RBFOX1: variants seen among roughly 807,000 people sequenced by gnomAD.
RBFOX1 encodes RNA binding fox-1 homolog 1.
Under a neutral mutation model 57.7 loss-of-function variants are expected in RBFOX1, and 8 were observed. That is an observed-to-expected ratio of 0.14 (90% CI 0.08 to 0.25). RBFOX1 has a LOEUF of 0.25. Ranked by LOEUF, RBFOX1 falls within the 10% of genes least tolerant of loss-of-function variation. The pLI is 1.00. For synonymous variants in RBFOX1, 326 were observed against 222.4 expected (o/e 1.47, Z -4.15); for missense variants, 611 against 548.5 (o/e 1.11, Z -1.14).
intron 11 of RBFOX1, among the ~76,000 whole-genome samples, chr16:7,640,664 G>A (rs1271059918): frequency 6.6e-6 from 1 of 152,186 alleles, no homozygotes; most frequent in Non-Finnish European, 1.5e-5. Context: ...GAATTCCCTG[G>A]AAACCCCAAG....
At chr16:5,753,985 C>A (rs373354656) in intron 3 of RBFOX1, among the ~76,000 whole-genome samples, 1 of 152,148 alleles carries the variant, frequency 6.6e-6, no homozygotes, top group African/African-American at 2.4e-5. Flanking sequence ...CGTAGCCTTT[C>A]TTTTTATTCA....
At chr16:7,033,895 G>C (rs759949361) in intron 3 of RBFOX1, among the ~76,000 whole-genome samples, 1 of 152,186 alleles carries the variant, frequency 6.6e-6, no homozygotes, top group African/African-American at 2.4e-5. Flanking sequence ...TTTGAGCCTG[G>C]GAAGTTCAAG....
intron 2 of RBFOX1, among the ~76,000 whole-genome samples, chr16:5,523,272 C>G (rs1255435527): frequency 6.6e-6 from 1 of 151,558 alleles, no homozygotes; most frequent in Non-Finnish European, 1.5e-5. Flanking sequence ...GGTGATAGAG[C>G]AAGACTCTGT....
intron 3 of RBFOX1, among the ~76,000 whole-genome samples, chr16:6,740,894 A>T (rs573899527): frequency 6.6e-6 from 1 of 152,344 alleles, no homozygotes; most frequent in East Asian, 1.9e-4. Context: ...ATAGAAAAGC[A>T]AAGAAACTAG....
chr16:6,268,283 A>C (rs1451944823), intron 1 of RBFOX1, among the ~76,000 whole-genome samples: 1 of 152,190 alleles, frequency 6.6e-6, no homozygotes, highest in African/African-American at 2.4e-5. Context: ...CCCTGCTAGC[A>C]GGTATGGAGC....
intron 4 of RBFOX1, among the ~76,000 whole-genome samples, chr16:7,384,843 C>G (rs1173451177): frequency 6.6e-6 from 1 of 152,090 alleles, no homozygotes; most frequent in African/African-American, 2.4e-5. Context: ...AGCTTATATT[C>G]TAGTTGAAAG....
chr16:5,493,305 C>A (rs780940650), intron 2 of RBFOX1, among the ~76,000 whole-genome samples: 1 of 152,164 alleles, frequency 6.6e-6, no homozygotes, highest in Non-Finnish European at 1.5e-5. Flanking sequence ...CTCCTGGCCT[C>A]AAGCAACCCT....
At chr16:5,296,237 C>G (rs1220652835) in intron 1 of RBFOX1, among the ~76,000 whole-genome samples, 1 of 152,208 alleles carries the variant, frequency 6.6e-6, no homozygotes, top group Non-Finnish European at 1.5e-5. Context: ...TTATGAAAAG[C>G]AGCATCTGCA....
chr16:5,776,660 A>G (rs965135565), intron 3 of RBFOX1, among the ~76,000 whole-genome samples: 1 of 152,236 alleles, frequency 6.6e-6, no homozygotes, highest in Non-Finnish European at 1.5e-5. Flanking sequence ...TGTTAGTATT[A>G]TCATCCCCAG....
At chr16:7,001,344 C>G (rs1056805282) in intron 3 of RBFOX1, among the ~76,000 whole-genome samples, 8 of 149,188 alleles carry the variant, frequency 5.4e-5, no homozygotes, top group Admixed American at 4.6e-4. Context: ...GGCCCTGACT[C>G]TGTGTGTGTG....
intron 2 of RBFOX1, among the ~76,000 whole-genome samples, chr16:6,445,316 G>A (rs1336460352): frequency 2.0e-5 from 3 of 152,028 alleles, no homozygotes; most frequent in South Asian, 2.1e-4. Flanking sequence ...GTATACATGT[G>A]CCATGAAGAT....
chr16:6,822,950 G>C (rs113292222), intron 3 of RBFOX1, among the ~76,000 whole-genome samples: 9,980 of 152,260 alleles, frequency 0.066, 484 homozygotes, highest in Non-Finnish European at 0.11. Context: ...AACCATTAGA[G>C]TTCATGGACA....
intron 10 of RBFOX1, among the ~76,000 whole-genome samples, chr16:7,621,983 T>C (rs543598657): frequency 2.0e-5 from 3 of 152,354 alleles, no homozygotes; most frequent in Non-Finnish European, 2.9e-5. Context: ...AACTTGAGTT[T>C]CATGCAATTT....
chr16:6,383,515 C>G (rs1461156358), intron 2 of RBFOX1, among the ~76,000 whole-genome samples: 2 of 152,154 alleles, frequency 1.3e-5, no homozygotes, highest in Admixed American at 6.5e-5. Context: ...TGGCTCATGC[C>G]TGTAATGCCA....
At chr16:7,239,126 C>A (rs1053595389) in intron 4 of RBFOX1, among the ~76,000 whole-genome samples, 1 of 152,098 alleles carries the variant, frequency 6.6e-6, no homozygotes, top group Non-Finnish European at 1.5e-5. Context: ...TTTTTATTAT[C>A]ATTTTCTCCT....
chr16:5,643,634 A>G (rs1372674574), intron 3 of RBFOX1, among the ~76,000 whole-genome samples: 1 of 152,200 alleles, frequency 6.6e-6, no homozygotes, highest in Non-Finnish European at 1.5e-5. Flanking sequence ...TTCCTGCAGC[A>G]TTTAAATTAT....
At chr16:6,103,124 C>T (rs1371457023) in intron 1 of RBFOX1, among the ~76,000 whole-genome samples, 1 of 152,188 alleles carries the variant, frequency 6.6e-6, no homozygotes, top group Non-Finnish European at 1.5e-5. Context: ...TGTCAGATAT[C>T]TGAGAACATG....
rs561450550 is a variant in RBFOX1 at position 7,575,841 on chromosome 16, C to G, written c.271-3936C>G. ...GAGGGCTTTGTGATGATCTCTAACC[C>G]CAACATGCGTTAGGCTCTGAGGTAG... is the stretch of plus-strand genomic sequence containing the variant. On this transcript the variant is annotated intron_variant, in intron 5 of 15. Coordinates refer to ENST00000550418, the MANE Select transcript of RBFOX1 (RefSeq NM_018723.4). Among the ~76,000 whole-genome samples, 3 of 152,270 alleles carry G rather than the reference C, an allele frequency of 2.0e-5. No homozygotes were observed. In the East Asian group the frequency reaches 5.8e-4, roughly 29 times the overall value.
At chr16:6,464,882 G>C (rs1048049046) in intron 2 of RBFOX1, among the ~76,000 whole-genome samples, 1 of 152,240 alleles carries the variant, frequency 6.6e-6, no homozygotes, top group African/African-American at 2.4e-5. Context: ...AGCAGTAGGA[G>C]AATGTAGCCT....
Sources: allele counts gnomAD v4.1 joint callset (sites outside exome capture counted in the v4.1 genomes callset), GRCh38; gene constraint gnomAD v4.1.1; transcripts MANE v1.5; gene names NCBI Gene and HGNC (gene_info 2026-07-23, HGNC 2026-07-21).